Variants in MS4A13 observed in about 807,000 individuals in gnomAD.
MS4A13 encodes the protein membrane spanning 4-domains A13.
MS4A13 carries 21 observed loss-of-function variants against 18.4 expected under a neutral mutation model. The observed-to-expected ratio is 1.14, with a 90% CI of 0.81 to 1.64. MS4A13 has a LOEUF of 1.64. Among genes scored for constraint, MS4A13 ranks in the 40% most tolerant of loss-of-function variants. The probability of loss-of-function intolerance (pLI) is 0.00; values close to 1 mark genes in which losing one functional copy is unlikely to be tolerated. For missense variants in MS4A13, 173 were observed against 176.8 expected, an observed-to-expected ratio of 0.98 and a Z score of 0.12; for synonymous variants, 62 against 57.2, an observed-to-expected ratio of 1.08 and a Z score of -0.38.
At chr11:60,530,713 T>TC in intron 6 of MS4A13, among the ~76,000 whole-genome samples, 1 of 152,140 alleles carries the variant, frequency 6.6e-6, no homozygotes, top group Non-Finnish European at 1.5e-5. Flanking sequence ...AGGCTTTGTG[T>TC]CCCCACCCAA....
intron 5 of MS4A13, among the ~76,000 whole-genome samples, chr11:60,529,036 A>G (rs988983300): frequency 2.0e-5 from 3 of 152,222 alleles, no homozygotes; most frequent in Non-Finnish European, 4.4e-5. Context: ...GGAAAGTCAA[A>G]TCTTACTAAC....
At position 60,515,392 on chromosome 11, in the gene MS4A13, G is replaced by A. The variant is rs1457259590; in HGVS notation, c.-344G>A. 1 of 152,340 alleles carries A rather than the reference G, an allele frequency of 6.6e-6. No homozygotes were observed. The highest frequency in any genetic ancestry group is 1.5e-5 in the Non-Finnish European group (1 of 68,140). The allele number at this position is 152,340 out of a possible 1,614,324, so 9.4% of individuals were successfully genotyped here. Reference sequence around the variant, plus strand: ...GAGCACACCGTTGCCATTGCAGACCGTCACTCCCTGAGGAGCCTGAGAGCC... The same window carrying A: ...GAGCACACCGTTGCCATTGCAGACCATCACTCCCTGAGGAGCCTGAGAGCC... On this transcript the variant is annotated 5_prime_UTR_variant, in exon 1 of 7. Coordinates refer to ENST00000378186, the MANE Select transcript of MS4A13 (RefSeq NM_001012417.3).
chr11:60,529,101 G>C (rs2086741760), intron 5 of MS4A13, among the ~76,000 whole-genome samples: 1 of 152,152 alleles, frequency 6.6e-6, no homozygotes, highest in Non-Finnish European at 1.5e-5. Context: ...TGTCAGAAGT[G>C]AGACAAGAAT....
At chr11:60,533,307 C>T (rs2086786708) in intron 6 of MS4A13, among the ~76,000 whole-genome samples, 1 of 104,194 alleles carries the variant, frequency 9.6e-6, no homozygotes, top group African/African-American at 3.6e-5. Context: ...CTAGAATAAC[C>T]AATACAGAGA....
intron 6 of MS4A13, among the ~76,000 whole-genome samples, chr11:60,531,288 C>A (rs966419692): frequency 6.6e-6 from 1 of 152,136 alleles, no homozygotes; most frequent in South Asian, 2.1e-4. Flanking sequence ...CTTGTTGGGG[C>A]AAAAAATTTA....
intron 3 of MS4A13, 102 bp downstream of exon 3, chr11:60,518,314 T>C (rs2086651739): frequency 1.1e-6 from 1 of 889,910 alleles, no homozygotes; most frequent in South Asian, 2.1e-5. Context: ...TTCAGGAGAA[T>C]TATGTAACTA....
At chr11:60,539,701 C>CAA (rs144595294) in intron 6 of MS4A13, among the ~76,000 whole-genome samples, 12,694 of 149,692 alleles carry the variant, frequency 0.085, 574 homozygotes, top group South Asian at 0.16. Flanking sequence ...TTGAAAGCAG[C>CAA]AAAAAAAAAT....
At position 60,515,471 on chromosome 11, in the gene MS4A13, G is replaced by A. The variant is rs1470138324; in HGVS notation, c.-265G>A. 6.6e-6 allele frequency: 1 copy of A among 152,350 alleles called. No individual in the cohort carries two copies. The highest frequency in any genetic ancestry group is 1.5e-5 in the Non-Finnish European group (1 of 68,136). 9.4% of individuals were successfully genotyped at this position (152,350 alleles called of 1,614,324 possible). Reference sequence around the variant, plus strand: ...TGTGATGGTAGCTCAGCGAGATCTGGGGACCTGGCGCTGAGCGCGTTGCCA... The same window carrying A: ...TGTGATGGTAGCTCAGCGAGATCTGAGGACCTGGCGCTGAGCGCGTTGCCA... On this transcript the variant is annotated 5_prime_UTR_variant, in exon 1 of 7. Coordinates refer to ENST00000378186, the MANE Select transcript of MS4A13 (RefSeq NM_001012417.3).
chr11:60,523,739 A>G (rs962935643), intron 3 of MS4A13, among the ~76,000 whole-genome samples, 158 bp from the exon 4 acceptor site: 5 of 152,192 alleles, frequency 3.3e-5, no homozygotes, highest in African/African-American at 1.2e-4. Flanking sequence ...GTATTACTAC[A>G]TGATGTAAAT....
chr11:60,525,239 C>CAATT lies in MS4A13; in HGVS notation c.220_221insATTA (p.Ile74AsnfsTer20), dbSNP rs780711564. On this transcript the variant is annotated frameshift_variant, in exon 5 of 7. Transcript: ENST00000378186. LOFTEE classifies it high-confidence loss of function. ...GTACTTTAATCATAAACATCATCTG[C>CAATT]ATAATTACTACAATTACTGCAGTAA... 1 of 1,566,504 alleles carries CAATT rather than the reference C, an allele frequency of 6.4e-7. No homozygotes were observed. The highest frequency in any genetic ancestry group is 1.1e-5 in the South Asian group (1 of 89,552).
chr11:60,542,368 T>A, intron 6 of MS4A13, 151 bp from the exon 7 acceptor site: 1 of 422,978 alleles, frequency 2.4e-6, no homozygotes. Context: ...AGAAATAAGG[T>A]TGAAATAGGA....
At chr11:60,521,138 C>G (rs756289966) in intron 3 of MS4A13, among the ~76,000 whole-genome samples, 1 of 152,170 alleles carries the variant, frequency 6.6e-6, no homozygotes, top group Non-Finnish European at 1.5e-5. Context: ...GCACATAGTA[C>G]AGGGGCCCTG....
chr11:60,517,613 A>G (rs2086645937), intron 2 of MS4A13, among the ~76,000 whole-genome samples: 1 of 152,200 alleles, frequency 6.6e-6, no homozygotes, highest in African/African-American at 2.4e-5. Flanking sequence ...CCTTGAAGGA[A>G]AAGATAAATC....
chr11:60,526,281 T>C (rs1471617663), intron 5 of MS4A13, among the ~76,000 whole-genome samples: 1 of 152,198 alleles, frequency 6.6e-6, no homozygotes, highest in Non-Finnish European at 1.5e-5. Context: ...TATAAGAAAA[T>C]TGTCCAGTTG....
Position 60,539,711 on chromosome 11 carries a change from T to C in MS4A13, c.403-2808T>C, listed in dbSNP as rs77177414. 5.5e-4 allele frequency among the ~76,000 whole-genome samples: 81 copies of C among 147,066 alleles called. 1 individual carries two copies. The South Asian group carries it at 0.011, about 21-fold the overall frequency. On this transcript the variant is annotated intron_variant, in intron 6 of 6. Coordinates refer to ENST00000378186, the MANE Select transcript of MS4A13 (RefSeq NM_001012417.3). ...AAATCTTGAAAGCAGCAAAAAAAAA[T>C]AAAAACAAGACTCTTCATATATAAG...
Position 60,523,909 on chromosome 11 carries a change from G to T in MS4A13, c.142G>T (p.Gly48Ter), listed in dbSNP as rs1389594983. The T allele has an allele frequency of 1.3e-6, 2 of 1,528,650 alleles. No homozygotes were observed. Among genetic ancestry groups the T allele is most frequent in the East Asian group, 4.5e-5 (2 of 44,388 alleles). The allele number at this position is 1,528,650 out of a possible 1,614,324, so 94.7% of individuals were successfully genotyped here. ...TTTTTATATCCAGTTTATCATTGCAGGAGTCTTCCTAATAAGAGTAACAAA... is the reference window on the plus strand; with the variant it reads ...TTTTTATATCCAGTTTATCATTGCATGAGTCTTCCTAATAAGAGTAACAAA... ...TLWGIFFIIA[G>*]VFLIRVTKYP... is the part of the protein sequence containing the mutation. The change falls in exon 4 of 7, where the codon GGA becomes TGA. Residue 48 changes from glycine (G) to a stop codon, truncating the protein, a stop_gained. Transcript: ENST00000378186. LOFTEE classifies it high-confidence loss of function.
intron 6 of MS4A13, among the ~76,000 whole-genome samples, chr11:60,540,719 G>A (rs2086850307): frequency 6.6e-6 from 1 of 152,092 alleles, no homozygotes; most frequent in African/African-American, 2.4e-5. Flanking sequence ...GGCCAACTCG[G>A]GAAGACCATA....
At chr11:60,522,239 G>GATGTATATATATATATATCTATAT (rs71043705) in intron 3 of MS4A13, among the ~76,000 whole-genome samples, 3,681 of 133,826 alleles carry the variant, frequency 0.028, 118 homozygotes, top group African/African-American at 0.065. Flanking sequence ...TAGATAGATA[G>GATGTATATATATATATATCTATAT]ATGTATATAT....
intron 6 of MS4A13, among the ~76,000 whole-genome samples, chr11:60,539,147 T>A (rs1461129098): frequency 7.7e-6 from 1 of 130,674 alleles, no homozygotes; most frequent in South Asian, 2.4e-4. Context: ...CTACCCAGAA[T>A]ACTGACTTGC....
Sources: allele counts gnomAD v4.1 joint callset (sites outside exome capture counted in the v4.1 genomes callset), GRCh38; gene constraint gnomAD v4.1.1; transcripts MANE v1.5; gene names NCBI Gene and HGNC (gene_info 2026-07-23, HGNC 2026-07-21).